Variants in MALT1 observed in about 807,000 individuals in gnomAD.
MALT1 encodes mucosa-associated lymphoid tissue lymphoma translocation protein 1.
MALT1 carries 36 observed loss-of-function variants against 85.5 expected under a neutral mutation model. The observed-to-expected ratio is 0.42, with a 90% CI of 0.32 to 0.56. MALT1 has a LOEUF of 0.56. MALT1 is among the 20% of genes least tolerant of loss of function. MALT1 has a pLI of 0.10. For synonymous variants in MALT1, 359 were observed against 361.3 expected (o/e 0.99, Z 0.07); for missense variants, 716 against 981.6 (o/e 0.73, Z 3.62).
chr18:58,745,693 A>G lies in MALT1; in HGVS notation c.1939A>G (p.Asn647Asp). ...LDLDIDPKDA[N>D]KGTPEETGSY... The stretch of plus-strand genomic sequence containing the variant: ...TCTAGATATTGATCCAAAAGATGCA[A>G]ATAAAGGCACACCTGAAGAAACTGG... The change falls in exon 16 of 17, where the codon AAT becomes GAT. Residue 647 changes from asparagine (N) to aspartate (D), a missense_variant. Asn to Asp is a conservative substitution (Grantham distance 23, BLOSUM62 1). Transcript: ENST00000649217. 6.2e-7 allele frequency: 1 copy of G among 1,613,750 alleles called. No homozygotes were observed. The highest frequency in any genetic ancestry group is 2.2e-5 in the East Asian group (1 of 44,850).
chr18:58,706,168 A>G (rs189139187), intron 4 of MALT1, among the ~76,000 whole-genome samples: 253 of 151,904 alleles, frequency 1.7e-3, no homozygotes, highest in South Asian at 4.6e-3. Flanking sequence ...TGTATTTTTT[A>G]GTAGAGACGG....
chr18:58,717,679 G>C (rs2054922306), intron 9 of MALT1, among the ~76,000 whole-genome samples: 1 of 151,208 alleles, frequency 6.6e-6, no homozygotes, highest in South Asian at 2.1e-4. Context: ...CCAGGAGGCG[G>C]AGGTTGCAGT....
At chr18:58,688,813 G>T (rs932329940) in intron 2 of MALT1, among the ~76,000 whole-genome samples, 3 of 152,022 alleles carry the variant, frequency 2.0e-5, no homozygotes, top group African/African-American at 7.2e-5. Flanking sequence ...AGTAAGGTAG[G>T]CTCACTGTGG....
In MALT1 at chr18:58,747,846, CCTT is replaced by C; in HGVS notation, c.*5_*7del. 2 of 1,607,898 alleles carry C rather than the reference CCTT, an allele frequency of 1.2e-6. No homozygotes were observed. The highest frequency in any genetic ancestry group is 1.1e-5 in the South Asian group (1 of 90,606). ...GCTCAGAATTTCTGAAAAATGACCT[CCTT>C]GTTTTTGAAAGTTAGCATAATTTTA... is the stretch of plus-strand genomic sequence containing the variant. On this transcript the variant is annotated 3_prime_UTR_variant, in exon 17 of 17. Transcript: ENST00000649217.
At chr18:58,729,793 A>G (rs1304184959) in intron 10 of MALT1, among the ~76,000 whole-genome samples, 1 of 152,220 alleles carries the variant, frequency 6.6e-6, no homozygotes, top group Non-Finnish European at 1.5e-5. Flanking sequence ...AGCTACTCAG[A>G]GTGTGTAAAT....
intron 4 of MALT1, among the ~76,000 whole-genome samples, chr18:58,703,587 A>G (rs1389471321): frequency 2.0e-5 from 3 of 152,084 alleles, no homozygotes; most frequent in East Asian, 1.9e-4. Flanking sequence ...GGCAGGAGGG[A>G]GAGAGAGCAA....
At chr18:58,688,564 T>C (rs1402792525) in intron 2 of MALT1, among the ~76,000 whole-genome samples, 3 of 100,238 alleles carry the variant, frequency 3.0e-5, no homozygotes, top group Non-Finnish European at 6.5e-5. Context: ...AAAAAAAAAA[T>C]ACTAATTTTA....
At chr18:58,704,331 A>G (rs888421628) in intron 4 of MALT1, among the ~76,000 whole-genome samples, 6 of 152,268 alleles carry the variant, frequency 3.9e-5, no homozygotes, top group African/African-American at 1.4e-4. Flanking sequence ...TATCTTGGCC[A>G]ACATTGGTTG....
intron 9 of MALT1, among the ~76,000 whole-genome samples, chr18:58,717,244 TC>T: frequency 6.6e-6 from 1 of 151,936 alleles, no homozygotes; most frequent in Middle Eastern, 3.4e-3. Flanking sequence ...ATGCCTGTAA[TC>T]CCAGCTACGT....
In MALT1 at chr18:58,747,943, G is replaced by A. The variant is rs911413914; in HGVS notation, c.*101G>A. The stretch of plus-strand genomic sequence containing the variant: ...GTGAAAAGGCAAATTTGTATATGTA[G>A]AGAAAGAATAGTAGTAACTGTTTCA... On this transcript the variant is annotated 3_prime_UTR_variant, in exon 17 of 17. Coordinates refer to ENST00000649217, the MANE Select transcript of MALT1 (RefSeq NM_006785.4). 11 of 854,900 alleles carry A rather than the reference G, an allele frequency of 1.3e-5. No homozygotes were observed. Among genetic ancestry groups the A allele is most frequent in the Admixed American group, 9.2e-5 (4 of 43,704 alleles). 53.0% of individuals were successfully genotyped at this position (854,900 alleles called of 1,614,324 possible). A position where few individuals can be genotyped will look rare whatever the true frequency, so the allele number is the denominator to read the frequency against.
chr18:58,710,085 TC>T lies in MALT1; in HGVS notation c.925+17del. 6.6e-7 allele frequency: 1 copy of T among 1,524,670 alleles called. No individual in the cohort carries two copies. Among genetic ancestry groups the T allele is most frequent in the Non-Finnish European group, 9.1e-7 (1 of 1,100,868 alleles). The allele number at this position is 1,524,670 out of a possible 1,614,324, so 94.4% of individuals were successfully genotyped here. ...GAAATCATCATAGGTAAGAAGTATT[TC>T]CCCAGTGTTCTGACAAGTGGACTAT... On this transcript the variant is annotated intron_variant, in intron 6 of 16. Transcript: ENST00000649217.
At chr18:58,710,627 AAAT>A (rs997790631) in intron 6 of MALT1, among the ~76,000 whole-genome samples, 10 of 152,270 alleles carry the variant, frequency 6.6e-5, no homozygotes, top group African/African-American at 1.4e-4. Flanking sequence ...GTTGAATTAA[AAAT>A]AATAATAATA....
intron 2 of MALT1, among the ~76,000 whole-genome samples, chr18:58,682,652 G>T (rs1239002707): frequency 6.6e-6 from 1 of 152,202 alleles, no homozygotes; most frequent in Non-Finnish European, 1.5e-5. Flanking sequence ...CTGGCTTGAA[G>T]CCAGGAGTGG....
intron 13 of MALT1, among the ~76,000 whole-genome samples, chr18:58,735,542 A>T (rs1287688598): frequency 1.3e-5 from 2 of 152,164 alleles, no homozygotes; most frequent in Non-Finnish European, 2.9e-5. Flanking sequence ...CTAGCTCTCC[A>T]CCATCTGTGC....
chr18:58,719,797 T>G (rs952699086), intron 9 of MALT1, among the ~76,000 whole-genome samples: 1 of 152,230 alleles, frequency 6.6e-6, no homozygotes, highest in Non-Finnish European at 1.5e-5. Flanking sequence ...CCAGCAATAC[T>G]GAGCTGCCTG....
chr18:58,745,676 T>C lies in MALT1; in HGVS notation c.1922T>C (p.Ile641Thr). 1 of 1,612,738 alleles carries C rather than the reference T, an allele frequency of 6.2e-7. No homozygotes were observed. The highest frequency in any genetic ancestry group is 8.5e-7 in the Non-Finnish European group (1 of 1,179,234). ...YVTDFPLDLD[I>T]DPKDANKGTP... is the part of the protein sequence containing the mutation. ...TTTTTTTTTTTACAGGATCTAGATA[T>C]TGATCCAAAAGATGCAAATAAAGGC... The change falls in exon 16 of 17, where the codon ATT (isoleucine) becomes ACT (threonine). Residue 641 changes from isoleucine to threonine, a missense_variant. Around this residue, in one of 4 missense-constraint regions of MALT1, gnomAD observed 260 missense variants for 323.7 expected, o/e 0.80. Coordinates refer to ENST00000649217, the MANE Select transcript of MALT1 (RefSeq NM_006785.4).
chr18:58,746,928 A>G (rs2055375611), intron 16 of MALT1, among the ~76,000 whole-genome samples: 1 of 152,142 alleles, frequency 6.6e-6, no homozygotes, highest in Admixed American at 6.5e-5. Context: ...AGGTTTCACC[A>G]CGTTGGCCAG....
intron 4 of MALT1, among the ~76,000 whole-genome samples, chr18:58,701,517 G>A (rs913661295): frequency 6.6e-6 from 1 of 152,144 alleles, no homozygotes; most frequent in African/African-American, 2.4e-5. Context: ...GTAGGGATAA[G>A]GAGTTCCCTT....
chr18:58,747,521 T>C lies in MALT1; in HGVS notation c.2154T>C (p.His718=). 1.9e-6 allele frequency: 3 copies of C among 1,614,104 alleles called. No homozygotes were observed. The highest frequency in any genetic ancestry group is 2.5e-6 in the Non-Finnish European group (3 of 1,179,974). Residue 718 remains histidine, a synonymous_variant, in exon 17 of 17, where the codon CAT becomes CAC. Coordinates refer to ENST00000649217, the MANE Select transcript of MALT1 (RefSeq NM_006785.4). Reference sequence around the variant, plus strand: ...CTCTCATTGCTAAATTAGACATGCATCGAGGTTTGGGAAGGAAGACTTGCT... The same window carrying C: ...CTCTCATTGCTAAATTAGACATGCACCGAGGTTTGGGAAGGAAGACTTGCT... ...GKPLIAKLDM[H]RGLGRKTCFQ...
Sources: allele counts gnomAD v4.1 joint callset (sites outside exome capture counted in the v4.1 genomes callset), GRCh38; gene constraint gnomAD v4.1.1; regional missense constraint gnomAD v4.1.1; transcripts MANE v1.5; gene names NCBI Gene and HGNC (gene_info 2026-07-23, HGNC 2026-07-21).